Variants in RTN3 observed in about 807,000 individuals in gnomAD.
The protein encoded by RTN3 is reticulon-3.
RTN3 carries 49 observed loss-of-function variants against 77.8 expected under a neutral mutation model. The observed-to-expected ratio is 0.63, with a 90% CI of 0.50 to 0.80. The LOEUF is 0.80. Among genes scored for constraint, RTN3 ranks in the 30% least tolerant of loss-of-function variants. The pLI, the probability that RTN3 is intolerant of heterozygous loss-of-function variation, is 0.00. For missense variants in RTN3, 1,236 were observed against 1,211.9 expected (o/e 1.02, Z -0.29); for synonymous variants, 464 against 446.9 (o/e 1.04, Z -0.48).
At chr11:63,706,229 T>C (rs1466819811) in intron 2 of RTN3, among the ~76,000 whole-genome samples, 1 of 152,216 alleles carries the variant, frequency 6.6e-6, no homozygotes, top group East Asian at 1.9e-4. Flanking sequence ...TCACCCTGGC[T>C]GAAGGGCAAT....
chr11:63,744,943 G>T (rs1384631369), intron 3 of RTN3, among the ~76,000 whole-genome samples: 1 of 152,214 alleles, frequency 6.6e-6, no homozygotes. Flanking sequence ...AATGGGTCAA[G>T]ATTGTGCCAC....
chr11:63,702,125 A>G (rs1386148614), intron 1 of RTN3, among the ~76,000 whole-genome samples: 1 of 152,198 alleles, frequency 6.6e-6, no homozygotes, highest in Admixed American at 6.5e-5. Flanking sequence ...TATTTGTGAA[A>G]ATATTTTTAT....
At position 63,719,096 on chromosome 11, in the gene RTN3, A is replaced by G. The variant is rs201846404; in HGVS notation, c.594A>G (p.Ala198=). Residue 198 remains alanine (A), a synonymous_variant, in exon 3 of 9, where the codon GCA becomes GCG. Transcript: ENST00000377819. ...TATCAAGTAGGGAGGCTAAAACTGC[A>G]TTGGATGCTGATGACAGATTCACTT... The part of the protein sequence containing the change: ...NGVSSREAKT[A]LDADDRFTLL... The G allele has an allele frequency of 5.0e-6, 8 of 1,614,218 alleles. No individual in the cohort carries two copies. Among genetic ancestry groups the G allele is most frequent in the African/African-American group, 1.3e-5 (1 of 75,066 alleles).
chr11:63,711,784 G>A (rs1030020870), intron 2 of RTN3, among the ~76,000 whole-genome samples: 3 of 152,058 alleles, frequency 2.0e-5, no homozygotes, highest in South Asian at 2.1e-4. Flanking sequence ...GGCTGGTCTC[G>A]AGATCCCAAC....
At position 63,718,804 on chromosome 11, in the gene RTN3, A is replaced by T; in HGVS notation, c.302A>T (p.His101Leu). Residue 101 changes from histidine (H) to leucine (L), a missense_variant, in exon 3 of 9, where the codon CAT (histidine) becomes CTT (leucine). This residue lies in a region of RTN3 where 1,056 missense variants were observed against 990.4 expected (regional missense o/e 1.07). Coordinates refer to ENST00000377819, the MANE Select transcript of RTN3 (RefSeq NM_001265589.2). The part of the protein sequence containing the change: ...EIHNTGLTIL[H>L]GEKSHVLGSQ... ...CATAACACTGGCCTTACAATACTAC[A>T]TGGAGAAAAAAGCCATGTGTTAGGG... The T allele has an allele frequency of 1.9e-6, 3 of 1,613,988 alleles. No individual in the cohort carries two copies. The highest frequency in any genetic ancestry group is 2.5e-6 in the Non-Finnish European group (3 of 1,179,956).
intron 1 of RTN3, among the ~76,000 whole-genome samples, chr11:63,691,726 A>G (rs76013506): frequency 0.11 from 16,644 of 152,192 alleles, 1,034 homozygotes; most frequent in South Asian, 0.16. Flanking sequence ...CTTCAAAAAG[A>G]TATCCAAAGT....
At position 63,700,494 on chromosome 11, in the gene RTN3, G is replaced by A. The variant is rs192827293; in HGVS notation, c.143-4357G>A. Among the ~76,000 whole-genome samples the A allele has an allele frequency of 2.9e-3, 433 of 151,376 alleles. 2 individuals carry two copies. Among genetic ancestry groups the A allele is most frequent in the Non-Finnish European group, 3.9e-3 (268 of 67,850 alleles). On this transcript the variant is annotated intron_variant, in intron 1 of 8. Coordinates refer to ENST00000377819, the MANE Select transcript of RTN3 (RefSeq NM_001265589.2). The stretch of plus-strand genomic sequence containing the variant: ...AGACAGGATCTCACCATGTTGCCCA[G>A]GCTGGTCTTGAGCTCCTGGGCGCAA...
chr11:63,696,639 G>T lies in RTN3; in HGVS notation c.143-8212G>T, dbSNP rs1289438745. ...TGGCTCACTGCAACCTCCACCTCCC[G>T]GGTTCAAGCAATTCTCCTGCCTCAG... On this transcript the variant is annotated intron_variant, in intron 1 of 8. Transcript: ENST00000377819. Among the ~76,000 whole-genome samples, 7 of 141,494 alleles carry T rather than the reference G, an allele frequency of 4.9e-5. No homozygotes were observed. The Admixed American group carries it at 5.3e-4, about 11-fold the overall frequency. The allele number at this position is 141,494 out of a possible 152,430, so 92.8% of individuals were successfully genotyped here. A position where few individuals can be genotyped will look rare whatever the true frequency, so the allele number is the denominator to read the frequency against.
intron 3 of RTN3, among the ~76,000 whole-genome samples, chr11:63,735,550 T>TTCTCTCTCTCCCTCTC (rs2013036070): frequency 9.4e-5 from 4 of 42,686 alleles, no homozygotes; most frequent in East Asian, 1.3e-3. Context: ...ATTCTAACAT[T>TTCTCTCTCTCCCTCTC]TCTCTCTCTC....
chr11:63,756,040 A>G lies in RTN3; in HGVS notation c.2995-72A>G, dbSNP rs186026741. 1.3e-3 allele frequency: 1,368 copies of G among 1,035,438 alleles called. 6 individuals are homozygous for G. The highest frequency in any genetic ancestry group is 2.9e-3 in the South Asian group (225 of 78,398). The allele number at this position is 1,035,438 out of a possible 1,614,324, so 64.1% of individuals were successfully genotyped here. On this transcript the variant is annotated intron_variant, in intron 7 of 8. Transcript: ENST00000377819. ...GTTTAAAAAATGGTTAAACTAGACA[A>G]AAGAGCCGTGCCTTCAGGAAAATTG...
At chr11:63,735,551 T>TCTCTCTCTCTCTCTCTCTCTCTCTCTCC in intron 3 of RTN3, among the ~76,000 whole-genome samples, 1 of 48,282 alleles carries the variant, frequency 2.1e-5, no homozygotes, top group African/African-American at 9.3e-5. Flanking sequence ...TTCTAACATT[T>TCTCTCTCTCTCTCTCTCTCTCTCTCTCC]CTCTCTCTCT....
At chr11:63,737,701 A>G (rs897564721) in intron 3 of RTN3, among the ~76,000 whole-genome samples, 1 of 152,244 alleles carries the variant, frequency 6.6e-6, no homozygotes, top group Non-Finnish European at 1.5e-5. Flanking sequence ...AGAGGGGTAG[A>G]CAATGCCATT....
At chr11:63,753,317 C>T (rs2014200630) in intron 6 of RTN3, among the ~76,000 whole-genome samples, 179 bp downstream of exon 6, 1 of 152,100 alleles carries the variant, frequency 6.6e-6, no homozygotes, top group Admixed American at 6.5e-5. Context: ...GAAATGGTCT[C>T]AGTTATAAAT....
At chr11:63,728,655 C>T (rs925959885) in intron 3 of RTN3, among the ~76,000 whole-genome samples, 11 of 151,960 alleles carry the variant, frequency 7.2e-5, no homozygotes, top group East Asian at 1.9e-4. Flanking sequence ...GTTGGAAGGC[C>T]GAGACAGGTG....
chr11:63,720,155 A>G lies in RTN3; in HGVS notation c.1653A>G (p.Thr551=). Residue 551 remains threonine (T), a synonymous_variant, in exon 3 of 9, where the codon ACA becomes ACG. Coordinates refer to ENST00000377819, the MANE Select transcript of RTN3 (RefSeq NM_001265589.2). ...EIPSCEREEK[T]SKNFEELVSD... The stretch of plus-strand genomic sequence containing the variant: ...CCAGTTGTGAGAGAGAAGAAAAAAC[A>G]TCTAAAAACTTTGAAGAATTGGTCA... The G allele has an allele frequency of 6.2e-7, 1 of 1,613,938 alleles. No individual in the cohort carries two copies. Among genetic ancestry groups the G allele is most frequent in the Non-Finnish European group, 8.5e-7 (1 of 1,179,986 alleles).
intron 3 of RTN3, among the ~76,000 whole-genome samples, chr11:63,722,368 G>C (rs749588706): frequency 6.6e-6 from 1 of 152,154 alleles, no homozygotes; most frequent in Non-Finnish European, 1.5e-5. Flanking sequence ...ACTGGAAACT[G>C]TAGGTAGATT....
chr11:63,753,989 TA>T (rs1387416113), intron 7 of RTN3, among the ~76,000 whole-genome samples: 1 of 152,154 alleles, frequency 6.6e-6, no homozygotes, highest in Non-Finnish European at 1.5e-5. Context: ...GCAAAAGTAA[TA>T]AGTTGAAAAA....
Position 63,685,565 on chromosome 11 carries a change from A to G in RTN3, c.142+3787A>G, listed in dbSNP as rs116135779. Among the ~76,000 whole-genome samples the G allele has an allele frequency of 2.5e-3, 375 of 150,776 alleles. 1 individual carries two copies. Among genetic ancestry groups the G allele is most frequent in the African/African-American group, 8.8e-3 (360 of 40,842 alleles). On this transcript the variant is annotated intron_variant, in intron 1 of 8. Transcript: ENST00000377819. ...TGCAGAAGCCTTTCCTCCTTGCTGG[A>G]TGTTTTTCTTCATGTCACAAAGGAA... is the stretch of plus-strand genomic sequence containing the variant.
chr11:63,748,860 T>C (rs562901081), intron 3 of RTN3, among the ~76,000 whole-genome samples: 1 of 149,824 alleles, frequency 6.7e-6, no homozygotes, highest in East Asian at 2.0e-4. Context: ...AGAGACTGGC[T>C]TTTCACCATG....
Sources: allele counts gnomAD v4.1 joint callset (sites outside exome capture counted in the v4.1 genomes callset), GRCh38; gene constraint gnomAD v4.1.1; regional missense constraint gnomAD v4.1.1; transcripts MANE v1.5; gene names NCBI Gene and HGNC (gene_info 2026-07-23, HGNC 2026-07-21).